Variants in IGBP1 observed in about 807,000 individuals in gnomAD.
IGBP1 encodes the protein immunoglobulin-binding protein 1.
Under a neutral mutation model 25.9 loss-of-function variants are expected in IGBP1, and 2 were observed. The ratio of observed to expected loss-of-function variants is 0.08; its 90% CI spans 0.03 to 0.24. The LOEUF is 0.24. Ranked by LOEUF, IGBP1 falls within the 10% of genes least tolerant of loss-of-function variation. The pLI is 1.00. For missense variants in IGBP1, 187 were observed against 260.4 expected, an observed-to-expected ratio of 0.72 and a Z score of 1.94; for synonymous variants, 96 against 93.4, an observed-to-expected ratio of 1.03 and a Z score of -0.16.
intron 3 of IGBP1, among the ~76,000 whole-genome samples, chrX:70,140,235 G>C (rs1007302707): frequency 2.7e-5 from 3 of 112,063 alleles, no homozygotes; most frequent in Admixed American, 9.5e-5. Flanking sequence ...ACTATGTTAT[G>C]CCTGCCATAG....
At chrX:70,149,097 A>G in intron 5 of IGBP1, 1 of 324,236 alleles carries the variant, frequency 3.1e-6, no homozygotes, top group Non-Finnish European at 5.6e-6. Context: ...ACATGATGGC[A>G]CATGCCTGTA....
At chrX:70,157,087 T>A (rs1418194007) in intron 6 of IGBP1, among the ~76,000 whole-genome samples, 1 of 112,295 alleles carries the variant, frequency 8.9e-6, no homozygotes, top group African/African-American at 3.2e-5. Flanking sequence ...TAAATATGTT[T>A]GCCCATTTAA....
intron 3 of IGBP1, among the ~76,000 whole-genome samples, chrX:70,137,254 G>C (rs2085100571): frequency 1.8e-5 from 2 of 110,991 alleles, no homozygotes; most frequent in South Asian, 3.8e-4. Context: ...CCATGTTTCT[G>C]ATTTAGGTGG....
intron 6 of IGBP1, among the ~76,000 whole-genome samples, chrX:70,152,983 A>C (rs917380049): frequency 1.8e-5 from 2 of 112,380 alleles, no homozygotes; most frequent in Non-Finnish European, 3.8e-5. Context: ...CCAACAGTTT[A>C]AATACAAACA....
chrX:70,144,808 T>A (rs1405729360), intron 3 of IGBP1, among the ~76,000 whole-genome samples: 1 of 107,076 alleles, frequency 9.3e-6, no homozygotes, highest in Non-Finnish European at 1.9e-5. Flanking sequence ...TACAGGCGCC[T>A]GCCACCACAT....
intron 3 of IGBP1, among the ~76,000 whole-genome samples, chrX:70,137,056 A>C (rs2085099518): frequency 9.0e-6 from 1 of 111,259 alleles, no homozygotes; most frequent in African/African-American, 3.3e-5. Context: ...TAGCTAGTAC[A>C]CTGTACCAGC....
chrX:70,138,252 G>A (rs1054250167), intron 3 of IGBP1, among the ~76,000 whole-genome samples: 1 of 110,787 alleles, frequency 9.0e-6, no homozygotes, highest in Admixed American at 9.6e-5. Context: ...AGGCCAAGGC[G>A]GGAGGATTAC....
chrX:70,151,442 T>C (rs2085202049), intron 6 of IGBP1, among the ~76,000 whole-genome samples: 4 of 111,408 alleles, frequency 3.6e-5, no homozygotes, highest in Admixed American at 9.5e-5. Context: ...TCCCAAAGCA[T>C]TGGGATTACA....
chrX:70,140,396 C>T (rs1388209768), intron 3 of IGBP1, among the ~76,000 whole-genome samples: 1 of 112,024 alleles, frequency 8.9e-6, no homozygotes, highest in Non-Finnish European at 1.9e-5. Flanking sequence ...AGTATGGTTG[C>T]AGCTCTGCAT....
At chrX:70,155,691 T>C (rs1297020369) in intron 6 of IGBP1, among the ~76,000 whole-genome samples, 1 of 110,704 alleles carries the variant, frequency 9.0e-6, no homozygotes, top group African/African-American at 3.3e-5. Context: ...AAAAAACAAA[T>C]CTGAAATACT....
At chrX:70,155,400 C>A (rs1185455018) in intron 6 of IGBP1, among the ~76,000 whole-genome samples, 1 of 104,622 alleles carries the variant, frequency 9.6e-6, no homozygotes, top group Non-Finnish European at 1.9e-5. Context: ...GAGGCTGAGG[C>A]AGGAGAATCG....
Position 70,133,548 on chromosome X carries a change from G to GCGC in IGBP1, c.-226+9_-226+11dup. ...TAGGGAGCTACTCGCGAGGTAAGGGGCGCGCCAGACTGGCTCCTAAAACGC... is the reference window on the plus strand; with the variant it reads ...TAGGGAGCTACTCGCGAGGTAAGGGGCGCCGCGCCAGACTGGCTCCTAAAACGC... On this transcript the variant is annotated intron_variant, in intron 1 of 6. Coordinates refer to ENST00000356413, the MANE Select transcript of IGBP1 (RefSeq NM_001551.3). The GCGC allele has an allele frequency of 2.8e-6, 1 of 363,113 alleles. No individual in the cohort carries two copies. Among genetic ancestry groups the GCGC allele is most frequent in the Non-Finnish European group, 4.7e-6 (1 of 211,176 alleles). The allele number at this position is 363,113 out of a possible 1,213,427, so 29.9% of individuals were successfully genotyped here. A position where few individuals can be genotyped will look rare whatever the true frequency, so the allele number is the denominator to read the frequency against.
intron 6 of IGBP1, among the ~76,000 whole-genome samples, chrX:70,164,777 T>C (rs1473878657): frequency 8.9e-6 from 1 of 112,206 alleles, no homozygotes; most frequent in Non-Finnish European, 1.9e-5. Context: ...CCACCATGTT[T>C]TATTTTATAG....
intron 1 of IGBP1, 38 bp from the exon 2 acceptor site, chrX:70,133,685 A>G: frequency 2.3e-6 from 1 of 431,161 alleles, no homozygotes. Flanking sequence ...ATGGTAAAAC[A>G]GCGCCTAGGG....
At chrX:70,157,416 C>T (rs910581477) in intron 6 of IGBP1, among the ~76,000 whole-genome samples, 1 of 111,054 alleles carries the variant, frequency 9.0e-6, no homozygotes, top group Non-Finnish European at 1.9e-5. Flanking sequence ...TTTCACTACT[C>T]GGTATATACC....
At chrX:70,150,371 C>A in intron 6 of IGBP1, 49 bp downstream of exon 6, 1 of 788,286 alleles carries the variant, frequency 1.3e-6, no homozygotes, top group Non-Finnish European at 2.0e-6. Flanking sequence ...CTTTTACTCC[C>A]TGGCAATTAA....
intron 3 of IGBP1, among the ~76,000 whole-genome samples, chrX:70,135,587 G>T (rs1380579193): frequency 8.9e-6 from 1 of 111,919 alleles, no homozygotes; most frequent in Non-Finnish European, 1.9e-5. Flanking sequence ...AGTTCTTTAA[G>T]GGTAAATAGG....
chrX:70,152,437 G>A (rs947393873), intron 6 of IGBP1, among the ~76,000 whole-genome samples: 3 of 100,753 alleles, frequency 3.0e-5, no homozygotes, highest in Admixed American at 1.1e-4. Context: ...CATTTGTCAC[G>A]TTTAGAATTC....
chrX:70,145,027 C>A (rs1219644307), intron 3 of IGBP1, among the ~76,000 whole-genome samples: 4 of 106,261 alleles, frequency 3.8e-5, no homozygotes, highest in Admixed American at 1.0e-4. Context: ...ATAAAAATTT[C>A]TCAGCCAAAA....
Sources: gnomAD v4.1 joint callset for allele counts (sites outside exome capture counted in the v4.1 genomes callset) on GRCh38, gnomAD v4.1.1 for gene constraint, MANE v1.5 for transcripts, NCBI Gene and HGNC (gene_info 2026-07-23, HGNC 2026-07-21) for gene names.